Variants in LRRC7 observed in about 807,000 individuals in gnomAD.
LRRC7 encodes leucine rich repeat containing 7, also known as leucine-rich repeat-containing protein 7.
LRRC7 carries 23 observed loss-of-function variants against 175.7 expected under a neutral mutation model. That is an observed-to-expected ratio of 0.13 (90% CI 0.09 to 0.19). The LOEUF (loss-of-function observed/expected upper bound fraction) is 0.19. LRRC7 is among the 10% of genes least tolerant of loss of function. The pLI, the probability that LRRC7 is intolerant of heterozygous loss-of-function variation, is 1.00. For missense variants in LRRC7, 1,354 were observed against 1,904.7 expected (o/e 0.71, Z 5.38); for synonymous variants, 685 against 680.9 (o/e 1.01, Z -0.09).
At chr1:69,621,130 T>A (rs1650505939) in intron 1 of LRRC7, among the ~76,000 whole-genome samples, 1 of 151,898 alleles carries the variant, frequency 6.6e-6, no homozygotes, top group Non-Finnish European at 1.5e-5. Context: ...CTGCAACCTC[T>A]GCCTCCTGGG....
intron 3 of LRRC7, among the ~76,000 whole-genome samples, chr1:69,766,596 T>C (rs1671645735): frequency 6.6e-6 from 1 of 152,152 alleles, no homozygotes; most frequent in African/African-American, 2.4e-5. Context: ...TACTTACTCA[T>C]TTCCTGGAGG....
chr1:70,001,255 A>G (rs921106062), intron 11 of LRRC7, among the ~76,000 whole-genome samples: 3 of 152,212 alleles, frequency 2.0e-5, no homozygotes, highest in Non-Finnish European at 4.4e-5. Context: ...GAGAATATCA[A>G]ACATTAATGA....
chr1:69,808,134 T>G (rs1448451580), intron 4 of LRRC7, among the ~76,000 whole-genome samples: 1 of 151,744 alleles, frequency 6.6e-6, no homozygotes, highest in East Asian at 2.0e-4. Flanking sequence ...TCATGCTGTG[T>G]TTTTAAGCTC....
intron 1 of LRRC7, among the ~76,000 whole-genome samples, chr1:69,621,270 T>C (rs1048395483): frequency 6.6e-6 from 1 of 152,110 alleles, no homozygotes; most frequent in Non-Finnish European, 1.5e-5. Flanking sequence ...GGTCTCGAAC[T>C]CCCAACCTCA....
chr1:69,687,559 A>G (rs1661339606), intron 2 of LRRC7, among the ~76,000 whole-genome samples: 1 of 150,910 alleles, frequency 6.6e-6, no homozygotes, highest in Non-Finnish European at 1.5e-5. Flanking sequence ...AAAGAAAAGA[A>G]AAAAGAGAAA....
intron 17 of LRRC7, among the ~76,000 whole-genome samples, chr1:70,025,886 G>T (rs948492459): frequency 6.6e-6 from 1 of 151,734 alleles, no homozygotes; most frequent in Non-Finnish European, 1.5e-5. Context: ...GTAAATAATA[G>T]GGTCCCTCAC....
intron 1 of LRRC7, among the ~76,000 whole-genome samples, chr1:69,631,243 C>G (rs926170799): frequency 6.6e-6 from 1 of 152,048 alleles, no homozygotes; most frequent in Non-Finnish European, 1.5e-5. Flanking sequence ...TTGCCCTTAC[C>G]AAGGCTGCAA....
At chr1:70,114,789 CA>C (rs1219612536) in intron 26 of LRRC7, among the ~76,000 whole-genome samples, 33 of 151,904 alleles carry the variant, frequency 2.2e-4, no homozygotes, top group African/African-American at 7.0e-4. Flanking sequence ...CACAGAAAAC[CA>C]ATAAAAATGT....
intron 2 of LRRC7, among the ~76,000 whole-genome samples, chr1:69,722,532 T>G (rs1407745622): frequency 6.6e-6 from 1 of 152,078 alleles, no homozygotes; most frequent in African/African-American, 2.4e-5. Context: ...CTTTCTAAAT[T>G]TAATAGATGG....
intron 3 of LRRC7, among the ~76,000 whole-genome samples, chr1:69,774,895 C>A (rs2100997748): frequency 6.7e-6 from 1 of 149,780 alleles, no homozygotes; most frequent in African/African-American, 2.5e-5. Context: ...GAAATACACG[C>A]ACATCTTTAG....
At chr1:69,623,342 A>T (rs1196572092) in intron 1 of LRRC7, among the ~76,000 whole-genome samples, 1 of 152,080 alleles carries the variant, frequency 6.6e-6, no homozygotes, top group East Asian at 1.9e-4. Flanking sequence ...TTGGAAATGG[A>T]GTGATTATCT....
intron 7 of LRRC7, among the ~76,000 whole-genome samples, chr1:69,912,825 C>T (rs1304822563): frequency 1.3e-5 from 2 of 152,116 alleles, no homozygotes; most frequent in African/African-American, 4.8e-5. Flanking sequence ...CAGTATTTGT[C>T]CTATAGCCAG....
intron 4 of LRRC7, among the ~76,000 whole-genome samples, chr1:69,808,528 C>A (rs1473276487): frequency 6.6e-6 from 1 of 152,056 alleles, no homozygotes; most frequent in Non-Finnish European, 1.5e-5. Context: ...CACTTCTCAG[C>A]AAATGCAAAA....
chr1:69,620,538 A>G lies in LRRC7; in HGVS notation c.2+51897A>G, dbSNP rs146987926. Among the ~76,000 whole-genome samples the G allele has an allele frequency of 2.6e-4, 39 of 152,298 alleles. 1 individual carries two copies. In the East Asian group the frequency reaches 6.4e-3, roughly 25 times the overall value. On this transcript the variant is annotated intron_variant, in intron 1 of 26. Coordinates refer to ENST00000651989, the MANE Select transcript of LRRC7 (RefSeq NM_001370785.2). ...CCACTCTCATTTATTTTCATTAACT[A>G]GACTTCAGTCAGACAGCTACATCGT...
intron 23 of LRRC7, among the ~76,000 whole-genome samples, chr1:70,061,568 A>G (rs1558036443): frequency 6.6e-6 from 1 of 152,204 alleles, no homozygotes; most frequent in Admixed American, 6.5e-5. Flanking sequence ...TGATTAAATC[A>G]TATAATTATA....
intron 10 of LRRC7, among the ~76,000 whole-genome samples, chr1:69,992,840 T>G (rs1654573657): frequency 6.6e-6 from 1 of 152,158 alleles, no homozygotes; most frequent in Non-Finnish European, 1.5e-5. Context: ...AGGTTTTCTC[T>G]CCATTACTTC....
At chr1:69,681,969 G>C (rs1042242976) in intron 2 of LRRC7, among the ~76,000 whole-genome samples, 1 of 152,164 alleles carries the variant, frequency 6.6e-6, no homozygotes, top group African/African-American at 2.4e-5. Context: ...AGAGTTCGCT[G>C]CTTCAGTTCT....
chr1:69,751,492 A>G (rs936119061), intron 2 of LRRC7, among the ~76,000 whole-genome samples: 1 of 152,198 alleles, frequency 6.6e-6, no homozygotes, highest in African/African-American at 2.4e-5. Context: ...AAGGAAAAGC[A>G]AAAGAGGACT....
intron 5 of LRRC7, 25 bp downstream of exon 5, chr1:69,825,851 T>A: frequency 7.0e-7 from 1 of 1,423,312 alleles, no homozygotes; most frequent in Non-Finnish European, 9.8e-7. Context: ...TTAAATTTTA[T>A]TTGTATTTAT....
Sources: allele counts gnomAD v4.1 joint callset (sites outside exome capture counted in the v4.1 genomes callset), GRCh38; gene constraint gnomAD v4.1.1; transcripts MANE v1.5; gene names NCBI Gene and HGNC (gene_info 2026-07-23, HGNC 2026-07-21).